ZNF385D: variants seen among roughly 807,000 people sequenced by gnomAD.
ZNF385D encodes the protein zinc finger protein 385D, also known as zinc finger protein 659.
Under a neutral mutation model 35.8 loss-of-function variants are expected in ZNF385D, and 15 were observed. The ratio of observed to expected loss-of-function variants is 0.42; its 90% confidence interval spans 0.28 to 0.64. ZNF385D has a LOEUF of 0.64. Ranked by LOEUF, ZNF385D falls within the 30% of genes least tolerant of loss-of-function variation. The pLI is 0.23. For synonymous variants in ZNF385D, 212 were observed against 186.8 expected (o/e 1.13, Z -1.10); for missense variants, 474 against 494.6 (o/e 0.96, Z 0.39).
chr3:22,370,291 T>C (rs550989289), intron 2 of ZNF385D, among the ~76,000 whole-genome samples: 5 of 152,302 alleles, frequency 3.3e-5, no homozygotes, highest in African/African-American at 1.2e-4. Context: ...ACATGTTTGA[T>C]GTTATAAATC....
intron 3 of ZNF385D, among the ~76,000 whole-genome samples, chr3:21,990,558 C>T (rs1396494961): frequency 1.3e-5 from 2 of 152,092 alleles, no homozygotes; most frequent in Non-Finnish European, 1.5e-5. Flanking sequence ...ATGCAATTAT[C>T]AGTAATTATA....
intron 2 of ZNF385D, among the ~76,000 whole-genome samples, chr3:22,327,305 T>G (rs900678231): frequency 6.6e-6 from 1 of 152,186 alleles, no homozygotes; most frequent in African/African-American, 2.4e-5. Flanking sequence ...TATTTTGGGA[T>G]ACTTTCTGTA....
intron 3 of ZNF385D, among the ~76,000 whole-genome samples, chr3:21,867,074 G>A (rs1382224516): frequency 2.6e-5 from 4 of 152,092 alleles, no homozygotes; most frequent in Non-Finnish European, 1.5e-5. Flanking sequence ...CCAAGACACT[G>A]AGATACGGTG....
intron 3 of ZNF385D, among the ~76,000 whole-genome samples, chr3:21,932,948 A>G (rs141396542): frequency 3.4e-4 from 52 of 152,268 alleles, no homozygotes; most frequent in African/African-American, 1.2e-3. Context: ...CTGGGATAGG[A>G]GATCGCAAAG....
intron 1 of ZNF385D, among the ~76,000 whole-genome samples, chr3:21,704,362 C>A (rs1243761641): frequency 2.6e-5 from 4 of 152,028 alleles, no homozygotes; most frequent in Admixed American, 6.6e-5. Context: ...ACTGTGTAAA[C>A]CCCCTCAGAG....
chr3:21,492,358 G>T (rs1275098902), intron 4 of ZNF385D, among the ~76,000 whole-genome samples: 1 of 150,524 alleles, frequency 6.6e-6, no homozygotes, highest in African/African-American at 2.4e-5. Flanking sequence ...GAATGGGTTT[G>T]CTTTACGGAT....
At chr3:21,755,361 G>A (rs746718584), upstream of ZNF385D, among the ~76,000 whole-genome samples, 1 of 152,094 alleles carries the variant, frequency 6.6e-6, no homozygotes, top group Admixed American at 6.5e-5. Flanking sequence ...TATCCACCAA[G>A]GTCGTTAAGG....
Position 21,957,389 on chromosome 3 carries a change from G to C in ZNF385D, c.325+211428C>G, listed in dbSNP as rs114162749. On this transcript the variant is annotated intron_variant, in intron 3 of 5. Transcript: ENST00000494108. ...GAACAGATTGGAGCGCTCAGAAAAA[G>C]ACAGGAAAATATGGGAAAGTTTGGA... is the stretch of plus-strand genomic sequence containing the variant. 2.3e-3 allele frequency among the ~76,000 whole-genome samples: 345 copies of C among 152,222 alleles called. 3 individuals are homozygous for C. Among genetic ancestry groups the C allele is most frequent in the African/African-American group, 7.8e-3 (326 of 41,560 alleles).
At chr3:21,927,784 A>G (rs1700805096) in intron 3 of ZNF385D, among the ~76,000 whole-genome samples, 1 of 152,194 alleles carries the variant, frequency 6.6e-6, no homozygotes, top group Non-Finnish European at 1.5e-5. Context: ...GGAGCTACAC[A>G]TTTACAAACA....
intron 3 of ZNF385D, among the ~76,000 whole-genome samples, chr3:22,154,335 T>A (rs1159639254): frequency 6.6e-6 from 1 of 152,270 alleles, no homozygotes; most frequent in South Asian, 2.1e-4. Flanking sequence ...TGCTACATCA[T>A]TAAGTCAAAC....
intron 1 of ZNF385D, among the ~76,000 whole-genome samples, chr3:21,670,222 T>C (rs1327960704): frequency 6.6e-6 from 1 of 152,018 alleles, no homozygotes; most frequent in African/African-American, 2.4e-5. Flanking sequence ...TTTCCCTACA[T>C]CATCAACTTA....
intron 3 of ZNF385D, among the ~76,000 whole-genome samples, chr3:21,555,941 A>T (rs2062718810): frequency 6.6e-6 from 1 of 151,256 alleles, no homozygotes; most frequent in South Asian, 2.1e-4. Flanking sequence ...TGTGGTTTTG[A>T]TTTGCATTTC....
rs149241113 is a variant in ZNF385D, at chr3:22,163,030, G to A, written c.325+5787C>T. ...TTGAAACAGAGACATCAGCAAATCTGAAGCTGGAATGGACTTTCAGAGATG... is the reference window on the plus strand; with the variant it reads ...TTGAAACAGAGACATCAGCAAATCTAAAGCTGGAATGGACTTTCAGAGATG... On this transcript the variant is annotated intron_variant, in intron 3 of 5. Coordinates refer to the ZNF385D transcript ENST00000494108. Among the ~76,000 whole-genome samples, 13 of 152,290 alleles carry A rather than the reference G, an allele frequency of 8.5e-5. No individual in the cohort carries two copies. In the East Asian group the frequency reaches 2.3e-3, roughly 27 times the overall value.
At position 22,192,293 on chromosome 3, in the gene ZNF385D, T is replaced by G. The variant is rs1036093184; in HGVS notation, c.107-23258A>C. On this transcript the variant is annotated intron_variant, in intron 2 of 5. Coordinates refer to the ZNF385D transcript ENST00000494108. Reference sequence around the variant, plus strand: ...TGCAATGAGTTGCCAATAGCCTTTGTTTCCCCAGAACAAAGAAATCATATT... The same window carrying G: ...TGCAATGAGTTGCCAATAGCCTTTGGTTCCCCAGAACAAAGAAATCATATT... Among the ~76,000 whole-genome samples the G allele has an allele frequency of 2.0e-5, 3 of 152,146 alleles. No individual in the cohort carries two copies. In the East Asian group the frequency reaches 5.8e-4, roughly 29 times the overall value.
At chr3:22,060,051 A>T (rs565785308) in intron 3 of ZNF385D, among the ~76,000 whole-genome samples, 1 of 152,146 alleles carries the variant, frequency 6.6e-6, no homozygotes, top group Non-Finnish European at 1.5e-5. Context: ...TGGTTCTCAG[A>T]CCTTCAAATT....
chr3:21,735,617 G>T (rs754944277), intron 1 of ZNF385D, among the ~76,000 whole-genome samples: 8 of 152,144 alleles, frequency 5.3e-5, no homozygotes, highest in Admixed American at 1.3e-4. Context: ...ATGTAAATTA[G>T]GACGCTAGAC....
intron 3 of ZNF385D, among the ~76,000 whole-genome samples, chr3:22,072,481 T>G (rs1003995321): frequency 2.0e-5 from 3 of 152,124 alleles, no homozygotes; most frequent in African/African-American, 7.2e-5. Context: ...GTCAGCTGCT[T>G]GCTGAAGAGC....
At chr3:21,522,331 G>A (rs1253376946) in intron 3 of ZNF385D, among the ~76,000 whole-genome samples, 1 of 151,786 alleles carries the variant, frequency 6.6e-6, no homozygotes, top group Non-Finnish European at 1.5e-5. Flanking sequence ...AGAAAGCATT[G>A]CTTTTGTTTT....
At chr3:22,345,375 G>T (rs1264535168) in intron 2 of ZNF385D, among the ~76,000 whole-genome samples, 1 of 152,130 alleles carries the variant, frequency 6.6e-6, no homozygotes, top group Non-Finnish European at 1.5e-5. Flanking sequence ...TGAAAGCTGT[G>T]TAATTACTCA....
Sources: gnomAD v4.1 joint callset for allele counts (sites outside exome capture counted in the v4.1 genomes callset) on GRCh38, gnomAD v4.1.1 for gene constraint, MANE v1.5 for transcripts, NCBI Gene and HGNC (gene_info 2026-07-23, HGNC 2026-07-21) for gene names.